Variants in CSMD1 observed in about 807,000 individuals in gnomAD.
The protein encoded by CSMD1 is CUB and Sushi multiple domains 1.
CSMD1 carries 213 observed loss-of-function variants against 417.5 expected under a neutral mutation model. The ratio of observed to expected loss-of-function variants is 0.51; its 90% CI spans 0.46 to 0.57. CSMD1 has a LOEUF of 0.57. Ranked by LOEUF, CSMD1 falls within the 20% of genes least tolerant of loss-of-function variation. The pLI is 0.00. For missense variants in CSMD1, 6,923 were observed against 4,529.7 expected (o/e 1.53, Z -15.17); for synonymous variants, 2,862 against 1,736.8 (o/e 1.65, Z -16.11).
intron 23 of CSMD1, among the ~76,000 whole-genome samples, chr8:3,315,934 C>T (rs746724698): frequency 6.6e-6 from 1 of 152,148 alleles, no homozygotes; most frequent in African/African-American, 2.4e-5. Context: ...GTACTTTGAT[C>T]TTGTGCAGAG....
intron 8 of CSMD1, among the ~76,000 whole-genome samples, chr8:3,589,281 T>C (rs1800738602): frequency 6.6e-6 from 1 of 152,106 alleles, no homozygotes; most frequent in African/African-American, 2.4e-5. Flanking sequence ...AAGAGATATC[T>C]GCACTCTCAT....
At chr8:3,582,058 G>A (rs1014263699) in intron 9 of CSMD1, among the ~76,000 whole-genome samples, 1 of 152,154 alleles carries the variant, frequency 6.6e-6, no homozygotes, top group Admixed American at 6.5e-5. Context: ...GCCTCCCAAA[G>A]GGCTGGGATT....
chr8:4,074,377 G>C (rs34379620), intron 3 of CSMD1, among the ~76,000 whole-genome samples: 1 of 152,010 alleles, frequency 6.6e-6, no homozygotes, highest in African/African-American at 2.4e-5. Context: ...AATGATAGCA[G>C]TATTTTCAAT....
intron 12 of CSMD1, among the ~76,000 whole-genome samples, chr8:3,443,444 G>A (rs1451949640): frequency 6.6e-6 from 1 of 152,194 alleles, no homozygotes; most frequent in Non-Finnish European, 1.5e-5. Flanking sequence ...CAATTTGGGA[G>A]GCGGGTTGAC....
intron 1 of CSMD1, among the ~76,000 whole-genome samples, chr8:4,796,188 A>T (rs73661134): frequency 0.035 from 5,370 of 152,050 alleles, 170 homozygotes; most frequent in African/African-American, 0.081. Flanking sequence ...AAGAAAATGC[A>T]GGAAGACCAG....
At chr8:3,648,957 A>C (rs1306419646) in intron 7 of CSMD1, among the ~76,000 whole-genome samples, 1 of 152,118 alleles carries the variant, frequency 6.6e-6, no homozygotes, top group Admixed American at 6.5e-5. Flanking sequence ...CCCGTAATGT[A>C]CCCAGCCCTG....
rs1797909574 is a variant in CSMD1 at position 4,174,073 on chromosome 8, T to C, written c.416-141974A>G. On this transcript the variant is annotated intron_variant, in intron 3 of 69. Coordinates refer to ENST00000635120, the MANE Select transcript of CSMD1 (RefSeq NM_033225.6). ...TAGGCCTGGGCCACCTGCCTGCTTA[T>C]GATCCAATCAACATCAGGGAGACTC... is the stretch of plus-strand genomic sequence containing the variant. Among the ~76,000 whole-genome samples, 2 of 152,134 alleles carry C rather than the reference T, an allele frequency of 1.3e-5. 1 individual carries two copies. The highest frequency in any genetic ancestry group is 3.9e-4 in the East Asian group (2 of 5,168).
chr8:3,876,213 C>T (rs1805805709), intron 5 of CSMD1, among the ~76,000 whole-genome samples: 1 of 152,134 alleles, frequency 6.6e-6, no homozygotes, highest in Non-Finnish European at 1.5e-5. Context: ...GAAAACTCCT[C>T]TCACCCCTGA....
intron 5 of CSMD1, among the ~76,000 whole-genome samples, chr8:3,777,027 G>A (rs546695751): frequency 6.6e-6 from 1 of 151,490 alleles, no homozygotes; most frequent in Admixed American, 6.6e-5. Flanking sequence ...AATGCTGGAG[G>A]ATTTAAAGAC....
chr8:4,212,647 G>A (rs757810967), intron 3 of CSMD1, among the ~76,000 whole-genome samples: 1 of 149,792 alleles, frequency 6.7e-6, no homozygotes, highest in Non-Finnish European at 1.5e-5. Context: ...CATGTTATCA[G>A]TAAAGTACAA....
intron 2 of CSMD1, among the ~76,000 whole-genome samples, chr8:4,475,955 T>C (rs1243948187): frequency 2.0e-5 from 3 of 152,176 alleles, no homozygotes; most frequent in South Asian, 2.1e-4. Flanking sequence ...TGGTTTCATT[T>C]TGTTGTCTGT....
At chr8:4,547,530 C>T (rs1797689722) in intron 2 of CSMD1, among the ~76,000 whole-genome samples, 1 of 152,200 alleles carries the variant, frequency 6.6e-6, no homozygotes, top group Non-Finnish European at 1.5e-5. Context: ...ACACTCTGCT[C>T]TCACTGTATT....
chr8:4,492,331 C>G (rs1801746838), intron 2 of CSMD1, among the ~76,000 whole-genome samples: 1 of 152,020 alleles, frequency 6.6e-6, no homozygotes. Context: ...CTCAGGTGAT[C>G]CAAGGAGAAA....
chr8:3,998,354 T>C (rs566215844), intron 4 of CSMD1, among the ~76,000 whole-genome samples: 7 of 152,216 alleles, frequency 4.6e-5, no homozygotes, highest in African/African-American at 1.7e-4. Flanking sequence ...ACGGTGGCTT[T>C]TCTGAAACAT....
chr8:4,639,274 T>C (rs1026060799), intron 1 of CSMD1, among the ~76,000 whole-genome samples: 1 of 146,286 alleles, frequency 6.8e-6, no homozygotes, highest in East Asian at 2.0e-4. Flanking sequence ...TTTTTTGGTC[T>C]GTTCAGTTAC....
chr8:4,198,228 C>A (rs897543215), intron 3 of CSMD1, among the ~76,000 whole-genome samples: 7 of 152,180 alleles, frequency 4.6e-5, no homozygotes, highest in Non-Finnish European at 8.8e-5. Context: ...AGGTGCGGAG[C>A]ACCACATCCC....
chr8:4,425,948 G>C (rs913704096), intron 2 of CSMD1, among the ~76,000 whole-genome samples: 2 of 152,040 alleles, frequency 1.3e-5, no homozygotes, highest in Non-Finnish European at 2.9e-5. Context: ...GCATGCTAAA[G>C]TATCTTCATT....
intron 7 of CSMD1, among the ~76,000 whole-genome samples, chr8:3,627,230 A>C (rs1796538083): frequency 6.6e-6 from 1 of 152,194 alleles, no homozygotes; most frequent in South Asian, 2.1e-4. Flanking sequence ...ACTGAGTTTA[A>C]GATTGTGATA....
chr8:3,260,404 CATA>C (rs147368416), intron 26 of CSMD1, among the ~76,000 whole-genome samples: 11,217 of 152,046 alleles, frequency 0.074, 561 homozygotes, highest in Admixed American at 0.13. Flanking sequence ...TTGGAAAACA[CATA>C]GAAGGAGTAT....
Sources: allele counts gnomAD v4.1 joint callset (sites outside exome capture counted in the v4.1 genomes callset), GRCh38; gene constraint gnomAD v4.1.1; transcripts MANE v1.5; gene names NCBI Gene and HGNC (gene_info 2026-07-23, HGNC 2026-07-21).